The following CDH4 variants were observed in gnomAD, a reference collection of about 807,000 sequenced individuals.
CDH4 encodes cadherin-4.
A neutral mutation model predicts 86.0 loss-of-function variants in CDH4; 33 were observed. The observed-to-expected ratio is 0.38, with a 90% confidence interval of 0.29 to 0.51. The LOEUF is 0.51. Ranked by LOEUF, CDH4 falls within the 20% of genes least tolerant of loss-of-function variation. The pLI is 0.86. For synonymous variants in CDH4, 555 were observed against 549.4 expected (o/e 1.01, Z -0.14); for missense variants, 1,114 against 1,307.4 (o/e 0.85, Z 2.28).
intron 4 of CDH4, among the ~76,000 whole-genome samples, chr20:61,809,161 G>A (rs751348743): frequency 1.5e-4 from 23 of 152,162 alleles, no homozygotes; most frequent in Non-Finnish European, 2.5e-4. Context: ...CTGATTCCGC[G>A]AATCCGGGTG....
chr20:61,908,620 C>G (rs1042685823), intron 8 of CDH4, among the ~76,000 whole-genome samples: 9 of 152,158 alleles, frequency 5.9e-5, no homozygotes, highest in Admixed American at 1.3e-4. Flanking sequence ...TTTCCCACCC[C>G]TTCTCCGTTT....
intron 7 of CDH4, among the ~76,000 whole-genome samples, chr20:61,893,592 G>C (rs571713326): frequency 1.3e-5 from 2 of 150,466 alleles, no homozygotes; most frequent in South Asian, 4.3e-4. Flanking sequence ...TGGGTGGATC[G>C]ATGGGTGTGG....
intron 4 of CDH4, among the ~76,000 whole-genome samples, chr20:61,812,189 G>C (rs1568829258): frequency 6.6e-6 from 1 of 152,134 alleles, no homozygotes; most frequent in Non-Finnish European, 1.5e-5. Context: ...ATGTTATTGG[G>C]GGCGGGGTAT....
At chr20:61,833,744 C>T (rs1475058953) in intron 4 of CDH4, among the ~76,000 whole-genome samples, 1 of 152,194 alleles carries the variant, frequency 6.6e-6, no homozygotes, top group African/African-American at 2.4e-5. Flanking sequence ...GCACAGCACT[C>T]GGCCATCAGC....
intron 2 of CDH4, among the ~76,000 whole-genome samples, chr20:61,634,633 G>A (rs1033434582): frequency 6.6e-5 from 10 of 152,222 alleles, no homozygotes; most frequent in East Asian, 1.9e-4. Context: ...GCCCCAGCCC[G>A]TTGCTGGGAG....
At chr20:61,547,134 C>T (rs893817378) in intron 2 of CDH4, among the ~76,000 whole-genome samples, 9 of 151,764 alleles carry the variant, frequency 5.9e-5, no homozygotes, top group Non-Finnish European at 1.0e-4. Flanking sequence ...TCAAACTCCC[C>T]AAGACCCCCA....
At chr20:61,349,582 C>T (rs748876508) in intron 2 of CDH4, among the ~76,000 whole-genome samples, 38 of 152,196 alleles carry the variant, frequency 2.5e-4, no homozygotes, top group Non-Finnish European at 5.3e-4. Context: ...TTGCTGGATG[C>T]TGCTGGATGT....
At chr20:61,862,834 A>G (rs2146131291) in intron 6 of CDH4, among the ~76,000 whole-genome samples, 1 of 152,362 alleles carries the variant, frequency 6.6e-6, no homozygotes, top group South Asian at 2.1e-4. Context: ...TCATTTTAAA[A>G]TATTAAAAAG....
Position 61,801,670 on chromosome 20 carries a change from G to A in CDH4, c.576+28488G>A, listed in dbSNP as rs935567548. Among the ~76,000 whole-genome samples, 10 of 138,810 alleles carry A rather than the reference G, an allele frequency of 7.2e-5. No individual in the cohort carries two copies. In the South Asian group the frequency reaches 1.4e-3, roughly 20 times the overall value. 91.1% of individuals were successfully genotyped at this position (138,810 alleles called of 152,430 possible). ...GAGGACCCATCTCCTGCCCTTTCCC[G>A]TTTCTAGAGGCTCCTGCCCCACCTC... is the stretch of plus-strand genomic sequence containing the variant. On this transcript the variant is annotated intron_variant, in intron 4 of 15. Transcript: ENST00000614565.
intron 4 of CDH4, among the ~76,000 whole-genome samples, chr20:61,788,051 C>T (rs1005845286): frequency 5.3e-5 from 8 of 152,104 alleles, no homozygotes; most frequent in African/African-American, 7.2e-5. Context: ...CTCTGACTGC[C>T]GTGAGGGACC....
chr20:61,756,498 A>G (rs2088566479), intron 3 of CDH4, among the ~76,000 whole-genome samples: 1 of 147,276 alleles, frequency 6.8e-6, no homozygotes, highest in Admixed American at 6.7e-5. Context: ...CATATCCCCT[A>G]TCCCCCAGGC....
intron 2 of CDH4, among the ~76,000 whole-genome samples, chr20:61,691,252 AGT>A (rs1393563398): frequency 1.3e-5 from 2 of 151,966 alleles, no homozygotes; most frequent in Admixed American, 6.6e-5. Flanking sequence ...GTAAGAATTC[AGT>A]GTGTGTGTGC....
chr20:61,313,188 G>A (rs1027060635), intron 2 of CDH4, among the ~76,000 whole-genome samples: 1 of 152,148 alleles, frequency 6.6e-6, no homozygotes, highest in Non-Finnish European at 1.5e-5. Context: ...ACTCTCAATC[G>A]TGCACTACGT....
In CDH4 at chr20:61,857,313, G is replaced by A. The variant is rs915382709; in HGVS notation, c.877+4415G>A. Reference sequence around the variant, plus strand: ...GGCCTTCGGCCCGGGCTGCGTATGTGACCCTAAGGCTGGTGAGTTCCGATG... The same window carrying A: ...GGCCTTCGGCCCGGGCTGCGTATGTAACCCTAAGGCTGGTGAGTTCCGATG... On this transcript the variant is annotated intron_variant, in intron 6 of 15. Coordinates refer to ENST00000614565, the MANE Select transcript of CDH4 (RefSeq NM_001794.5). 4.6e-5 allele frequency among the ~76,000 whole-genome samples: 7 copies of A among 152,356 alleles called. 1 individual carries two copies. The highest frequency in any genetic ancestry group is 1.7e-4 in the African/African-American group (7 of 41,586).
At chr20:61,763,463 C>T (rs182695490) in intron 3 of CDH4, among the ~76,000 whole-genome samples, 1 of 152,364 alleles carries the variant, frequency 6.6e-6, no homozygotes, top group East Asian at 1.9e-4. Flanking sequence ...GGCTACGGCA[C>T]TGCGGAGCCG....
At chr20:61,472,705 C>T (rs973364129) in intron 2 of CDH4, among the ~76,000 whole-genome samples, 9 of 152,100 alleles carry the variant, frequency 5.9e-5, no homozygotes, top group Non-Finnish European at 1.0e-4. Context: ...TTGATTTTTG[C>T]CACTTCTTGG....
At position 61,829,220 on chromosome 20, in the gene CDH4, G is replaced by C. The variant is rs1310924145; in HGVS notation, c.577-15448G>C. On this transcript the variant is annotated intron_variant, in intron 4 of 15. Coordinates refer to ENST00000614565, the MANE Select transcript of CDH4 (RefSeq NM_001794.5). This position sits in a 1 kb window ranked among gnomAD's most constrained non-coding sequence, Gnocchi z 4.2. Reference sequence around the variant, plus strand: ...ACGTACTTCCTGTCTCTATGGATTTGCCTGTCCTGCATACTTTGTGTCAAT... The same window carrying C: ...ACGTACTTCCTGTCTCTATGGATTTCCCTGTCCTGCATACTTTGTGTCAAT... Among the ~76,000 whole-genome samples, 3 of 152,218 alleles carry C rather than the reference G, an allele frequency of 2.0e-5. No individual in the cohort carries two copies. Among genetic ancestry groups the C allele is most frequent in the African/African-American group, 7.2e-5 (3 of 41,466 alleles).
intron 2 of CDH4, among the ~76,000 whole-genome samples, chr20:61,381,876 GC>G (rs2064561646): frequency 6.6e-6 from 1 of 151,514 alleles, no homozygotes; most frequent in Non-Finnish European, 1.5e-5. Flanking sequence ...GGAGTTCGAG[GC>G]CAGCCTGGCC....
intron 2 of CDH4, among the ~76,000 whole-genome samples, chr20:61,734,172 T>C (rs2088231848): frequency 2.6e-5 from 4 of 152,250 alleles, no homozygotes; most frequent in African/African-American, 9.6e-5. Context: ...CACCCGTCAC[T>C]GCCGTGCACG....
Sources: gnomAD v4.1 joint callset for allele counts (sites outside exome capture counted in the v4.1 genomes callset) on GRCh38, gnomAD v4.1.1 for gene constraint, Gnocchi (gnomAD v3.1) non-coding constraint, MANE v1.5 for transcripts, NCBI Gene and HGNC (gene_info 2026-07-23, HGNC 2026-07-21) for gene names.